The following RRAGD variants were observed in gnomAD, a reference collection of about 807,000 sequenced individuals.
RRAGD encodes the protein Ras related GTP binding D.
In RRAGD, 12 loss-of-function variants were observed where a neutral mutation model predicts 35.5. That is an observed-to-expected ratio of 0.34 (90% confidence interval 0.22 to 0.55). RRAGD has a LOEUF of 0.55. Among genes scored for constraint, RRAGD ranks in the 20% least tolerant of loss-of-function variants. The pLI is 0.91. For missense variants in RRAGD, 324 were observed against 490.1 expected, an observed-to-expected ratio of 0.66 and a Z score of 3.20; for synonymous variants, 155 against 178.9, an observed-to-expected ratio of 0.87 and a Z score of 1.07.
At chr6:89,369,021 T>G (rs535786514) in intron 6 of RRAGD, among the ~76,000 whole-genome samples, 222 of 152,176 alleles carry the variant, frequency 1.5e-3, no homozygotes, top group African/African-American at 5.2e-3. Context: ...CAACAATTAT[T>G]TCTATCTATC....
Position 89,411,705 on chromosome 6 carries a change from T to A in RRAGD, c.148+141A>T, listed in dbSNP as rs951316236. ...CTCGAGGTCGGGCTTTTGGCGTCCC[T>A]CCCCACCCCAAACCCTCAACTGGAC... On this transcript the variant is annotated intron_variant, in intron 1 of 6. Transcript: ENST00000369415. This position sits in a 1 kb window ranked among gnomAD's most constrained non-coding sequence, Gnocchi z 5.6. 1.1e-6 allele frequency: 1 copy of A among 931,386 alleles called. No individual in the cohort carries two copies. The highest frequency in any genetic ancestry group is 1.5e-6 in the Non-Finnish European group (1 of 647,014). 57.7% of individuals were successfully genotyped at this position (931,386 alleles called of 1,614,324 possible).
intron 6 of RRAGD, among the ~76,000 whole-genome samples, chr6:89,369,918 C>T (rs1000111903): frequency 6.6e-6 from 1 of 152,140 alleles, no homozygotes; most frequent in Admixed American, 6.6e-5. Context: ...ACTCTCTTCA[C>T]CCCACCTACA....
chr6:89,396,421 TTTTATTTA>T (rs10647549), intron 1 of RRAGD, among the ~76,000 whole-genome samples: 4 of 151,448 alleles, frequency 2.6e-5, no homozygotes, highest in African/African-American at 2.4e-5. Flanking sequence ...CTCAATTTTA[TTTTATTTA>T]TTTATTTATT....
chr6:89,404,244 A>G (rs1582524722), intron 1 of RRAGD, among the ~76,000 whole-genome samples: 1 of 152,376 alleles, frequency 6.6e-6, no homozygotes, highest in African/African-American at 2.4e-5. Context: ...GCTTAACAAA[A>G]TTAAAATTGT....
In RRAGD at chr6:89,386,814, C is replaced by T. The variant is rs182599624; in HGVS notation, c.444+481G>A. On this transcript the variant is annotated intron_variant, in intron 2 of 6. Transcript: ENST00000369415. ...AGAGGGATATTTATCTCAAATTTTA[C>T]TTTTTATATGTAATAATCATCTATA... Among the ~76,000 whole-genome samples, 3 of 152,000 alleles carry T rather than the reference C, an allele frequency of 2.0e-5. No individual in the cohort carries two copies. The South Asian group carries it at 6.2e-4, about 32-fold the overall frequency.
intron 2 of RRAGD, among the ~76,000 whole-genome samples, chr6:89,382,062 C>G (rs1247229032): frequency 6.6e-6 from 1 of 151,400 alleles, no homozygotes; most frequent in East Asian, 1.9e-4. Flanking sequence ...AATCTAAATG[C>G]CTTCCCCCTC....
chr6:89,380,384 C>T lies in RRAGD; in HGVS notation c.445-17G>A, dbSNP rs200209792. 50 of 1,610,540 alleles carry T rather than the reference C, an allele frequency of 3.1e-5. No homozygotes were observed. In the East Asian group the frequency reaches 6.5e-4, roughly 21 times the overall value. On this transcript the variant is annotated splice_polypyrimidine_tract_variant and intron_variant, in intron 2 of 6. Transcript: ENST00000369415. The stretch of plus-strand genomic sequence containing the variant: ...GTAATCATCCTAGGACCAAAGGCAA[C>T]GCCTGTGAGAGAAGGCCGCTTTGCT...
intron 4 of RRAGD, 72 bp from the exon 5 acceptor site, chr6:89,377,885 G>A: frequency 1.8e-6 from 2 of 1,085,974 alleles, no homozygotes; most frequent in Non-Finnish European, 2.6e-6. Flanking sequence ...ACACAAAATT[G>A]AATGCCATTC....
chr6:89,379,145 G>A (rs554226432), intron 4 of RRAGD, 79 bp downstream of exon 4: 15 of 688,040 alleles, frequency 2.2e-5, no homozygotes, highest in African/African-American at 1.3e-4. Flanking sequence ...AGAAGCAATC[G>A]GAAATAAGAT....
chr6:89,370,169 G>C (rs540598382), intron 6 of RRAGD, among the ~76,000 whole-genome samples: 2 of 152,216 alleles, frequency 1.3e-5, no homozygotes, highest in Non-Finnish European at 2.9e-5. Context: ...TGTGACATGA[G>C]AGGGTGAAAC....
At chr6:89,374,823 C>A (rs546663721) in intron 5 of RRAGD, among the ~76,000 whole-genome samples, 27 of 151,308 alleles carry the variant, frequency 1.8e-4, no homozygotes, top group Non-Finnish European at 3.7e-4. Context: ...TAAAGAAAAA[C>A]CTTTTAAGTG....
intron 1 of RRAGD, among the ~76,000 whole-genome samples, chr6:89,407,377 C>T (rs1223829397): frequency 6.6e-6 from 1 of 152,156 alleles, no homozygotes; most frequent in African/African-American, 2.4e-5. Context: ...GTGGCTCATG[C>T]CTGTAATCCC....
intron 2 of RRAGD, among the ~76,000 whole-genome samples, chr6:89,381,601 A>G (rs1436975700): frequency 6.6e-6 from 1 of 152,194 alleles, no homozygotes; most frequent in African/African-American, 2.4e-5. Context: ...ATTCATTTAC[A>G]TTGTTTAAAA....
intron 5 of RRAGD, among the ~76,000 whole-genome samples, chr6:89,373,550 A>G (rs1435468533): frequency 6.6e-6 from 1 of 151,368 alleles, no homozygotes; most frequent in East Asian, 1.9e-4. Flanking sequence ...CCCAGGAGGC[A>G]GACGTTGCCG....
At chr6:89,401,167 G>A (rs983812539) in intron 1 of RRAGD, among the ~76,000 whole-genome samples, 7 of 152,136 alleles carry the variant, frequency 4.6e-5, no homozygotes, top group Non-Finnish European at 1.5e-5. Context: ...GGTTGTTCCA[G>A]GAAGAGATTT....
chr6:89,388,005 C>A (rs1769164985), intron 1 of RRAGD, among the ~76,000 whole-genome samples: 1 of 152,146 alleles, frequency 6.6e-6, no homozygotes, highest in Non-Finnish European at 1.5e-5. Context: ...GAGAAGCCAT[C>A]ACTAAAGAGA....
rs1403545232 is a variant in RRAGD, at chr6:89,411,360, CG to C, written c.148+485del. The stretch of plus-strand genomic sequence containing the variant: ...TGGGTGGGCCCCTCCCGCGGCGACG[CG>C]GGGCGAGACTGACACCCGCAGCTGC... On this transcript the variant is annotated intron_variant, in intron 1 of 6. Coordinates refer to ENST00000369415, the MANE Select transcript of RRAGD (RefSeq NM_021244.5). The surrounding 1 kb of genome is among the most constrained non-coding windows in gnomAD (Gnocchi z 5.6). 1 of 152,740 alleles carries C rather than the reference CG, an allele frequency of 6.5e-6. No homozygotes were observed. Among genetic ancestry groups the C allele is most frequent in the Non-Finnish European group, 1.5e-5 (1 of 68,376 alleles). The allele number at this position is 152,740 out of a possible 1,614,324, so 9.5% of individuals were successfully genotyped here.
At chr6:89,382,017 C>CAA (rs35643719) in intron 2 of RRAGD, among the ~76,000 whole-genome samples, 31 of 125,388 alleles carry the variant, frequency 2.5e-4, no homozygotes, top group Admixed American at 8.9e-4. Context: ...GTTTTTATGG[C>CAA]AAAAAAAAAA....
At chr6:89,373,036 A>G (rs1055015714) in intron 5 of RRAGD, among the ~76,000 whole-genome samples, 1 of 152,248 alleles carries the variant, frequency 6.6e-6, no homozygotes, top group Non-Finnish European at 1.5e-5. Context: ...ACTGCTATAA[A>G]AGATAGAATT....
Sources: gnomAD v4.1 joint callset for allele counts (sites outside exome capture counted in the v4.1 genomes callset) on GRCh38, gnomAD v4.1.1 for gene constraint, Gnocchi (gnomAD v3.1) non-coding constraint, MANE v1.5 for transcripts, NCBI Gene and HGNC (gene_info 2026-07-23, HGNC 2026-07-21) for gene names.